The following CENPT variants were observed in gnomAD, a reference collection of about 807,000 sequenced individuals.
The protein encoded by CENPT is centromere protein T.
A neutral mutation model predicts 59.7 loss-of-function variants in CENPT; 42 were observed. That is an observed-to-expected ratio of 0.70 (90% CI 0.55 to 0.91). The LOEUF is 0.91. CENPT is among the 40% of genes least tolerant of loss of function. The probability of loss-of-function intolerance (pLI) is 0.00; values close to 1 mark genes in which losing one functional copy is unlikely to be tolerated. For missense variants in CENPT, 716 were observed against 713.4 expected, an observed-to-expected ratio of 1.00 and a Z score of -0.04; for synonymous variants, 295 against 289.6, an observed-to-expected ratio of 1.02 and a Z score of -0.19.
intron 13 of CENPT, 186 bp from the exon 14 acceptor site, chr16:67,829,029 G>C (rs2057647397): frequency 3.5e-6 from 2 of 579,462 alleles, no homozygotes; most frequent in Non-Finnish European, 5.9e-6. Context: ...GTCTTTCCCT[G>C]GGGCTCTGTC....
intron 4 of CENPT, 105 bp from the exon 5 acceptor site, chr16:67,832,650 G>C: frequency 1.0e-6 from 1 of 1,002,658 alleles, no homozygotes; most frequent in Admixed American, 2.4e-5. Context: ...TTTTCCCTCA[G>C]GGCTAGGGAC....
In CENPT at chr16:67,830,630, C is replaced by T. The variant is rs962766655; in HGVS notation, c.704-82G>A. ...TGGCTCTCAGCGTATTCCAGGCCCA[C>T]CGGCTGCTACTCAGCGTTGCCAGGG... On this transcript the variant is annotated intron_variant, in intron 10 of 15. Transcript: ENST00000562787. 5.6e-6 allele frequency: 8 copies of T among 1,437,772 alleles called. 1 individual carries two copies. The African/African-American group carries it at 1.1e-4, about 20-fold the overall frequency. The allele number at this position is 1,437,772 out of a possible 1,614,324, so 89.1% of individuals were successfully genotyped here.
Position 67,842,740 on chromosome 16 carries a change from C to T in CENPT, c.-492+4661G>A. 6.2e-7 allele frequency: 1 copy of T among 1,608,462 alleles called. No homozygotes were observed. Among genetic ancestry groups the T allele is most frequent in the South Asian group, 1.1e-5 (1 of 90,404 alleles). On this transcript the variant is annotated intron_variant, in intron 1 of 15. Transcript: ENST00000562787. This position sits in a 1 kb window ranked among gnomAD's most constrained non-coding sequence, Gnocchi z 4.9. The stretch of plus-strand genomic sequence containing the variant: ...CCACCACAGGCCACCGTCTCTGCAG[C>T]GTTCACTTCCAGGGCGGCCGCAAGA...
In CENPT at chr16:67,842,948, C is replaced by T. The variant is rs763237913; in HGVS notation, c.-492+4453G>A. On this transcript the variant is annotated intron_variant, in intron 1 of 15. Transcript: ENST00000562787. The surrounding 1 kb of genome is among the most constrained non-coding windows in gnomAD (Gnocchi z 4.9). ...GCAGCAGCAGCAGCAGCAGCAGCAG[C>T]AGTCCTCACCCTCTGCCTCCACTGC... 140 of 1,605,950 alleles carry T rather than the reference C, an allele frequency of 8.7e-5. No individual in the cohort carries two copies. The highest frequency in any genetic ancestry group is 1.1e-4 in the Non-Finnish European group (135 of 1,178,278).
chr16:67,844,208 C>T (rs1390351839), intron 1 of CENPT: 4 of 166,538 alleles, frequency 2.4e-5, no homozygotes, highest in East Asian at 1.9e-4. Flanking sequence ...TGGGTCTCGC[C>T]ATTTTATTTT....
At position 67,843,700 on chromosome 16, in the gene CENPT, A is replaced by T. The variant is rs2057780286; in HGVS notation, c.-492+3701T>A. ...TGGGGCCTTAGACTCTGCCCTGGTG[A>T]CACCAGCAATTATGACTTTGTCTAC... is the stretch of plus-strand genomic sequence containing the variant. On this transcript the variant is annotated intron_variant, in intron 1 of 15. Coordinates refer to ENST00000562787, the MANE Select transcript of CENPT (RefSeq NM_025082.4). This position sits in a 1 kb window ranked among gnomAD's most constrained non-coding sequence, Gnocchi z 5.7. 3.7e-6 allele frequency: 2 copies of T among 544,670 alleles called. No homozygotes were observed. Among genetic ancestry groups the T allele is most frequent in the Non-Finnish European group, 6.6e-6 (2 of 303,760 alleles). 33.7% of individuals were successfully genotyped at this position (544,670 alleles called of 1,614,324 possible). A position where few individuals can be genotyped will look rare whatever the true frequency, so the allele number is the denominator to read the frequency against.
At chr16:67,830,674 T>C in intron 10 of CENPT, 126 bp from the exon 11 acceptor site, 1 of 938,088 alleles carries the variant, frequency 1.1e-6, no homozygotes, top group Non-Finnish European at 1.6e-6. Flanking sequence ...GTGGGCTGCA[T>C]GGGTCCACCC....
At position 67,828,406 on chromosome 16, in the gene CENPT, A is replaced by T; in HGVS notation, c.1563-16T>A. 6.2e-7 allele frequency: 1 copy of T among 1,612,066 alleles called. No individual in the cohort carries two copies. The highest frequency in any genetic ancestry group is 8.5e-7 in the Non-Finnish European group (1 of 1,178,392). On this transcript the variant is annotated splice_polypyrimidine_tract_variant and intron_variant, in intron 15 of 15. Transcript: ENST00000562787. The stretch of plus-strand genomic sequence containing the variant: ...CAGGCCCTGCCTGCAGTGGAGGAAG[A>T]GAAGGGACAGGCAGAATCAGCACCA...
rs2057778166 is a variant in CENPT, at chr16:67,843,352, C to T, written c.-492+4049G>A. The T allele has an allele frequency of 1.2e-6, 2 of 1,613,940 alleles. No individual in the cohort carries two copies. Among genetic ancestry groups the T allele is most frequent in the East Asian group, 2.2e-5 (1 of 44,888 alleles). On this transcript the variant is annotated intron_variant, in intron 1 of 15. Coordinates refer to ENST00000562787, the MANE Select transcript of CENPT (RefSeq NM_025082.4). This position sits in a 1 kb window ranked among gnomAD's most constrained non-coding sequence, Gnocchi z 5.7. Reference sequence around the variant, plus strand: ...TGCGCAAGCTGAATGAGCAGCGGGACATCCTGGCTCTGATGGAAGTGAAGA... The same window carrying T: ...TGCGCAAGCTGAATGAGCAGCGGGATATCCTGGCTCTGATGGAAGTGAAGA...
At chr16:67,831,152 C>T (rs1446329648) in intron 10 of CENPT, 64 bp downstream of exon 10, 4 of 1,610,542 alleles carry the variant, frequency 2.5e-6, no homozygotes, top group Non-Finnish European at 1.7e-6. Flanking sequence ...CTCAGCATCA[C>T]CTCCTATCTG....
chr16:67,837,884 G>C (rs1384681778), intron 1 of CENPT, among the ~76,000 whole-genome samples: 1 of 152,206 alleles, frequency 6.6e-6, no homozygotes, highest in Admixed American at 6.5e-5. Flanking sequence ...CAAGCTCTGG[G>C]AAAGAATCTG....
chr16:67,843,160 A>AGCCGCTGCGGCCGCC lies in CENPT; in HGVS notation c.-492+4226_-492+4240dup. 6.2e-7 allele frequency: 1 copy of AGCCGCTGCGGCCGCC among 1,609,632 alleles called. No individual in the cohort carries two copies. Among genetic ancestry groups the AGCCGCTGCGGCCGCC allele is most frequent in the Non-Finnish European group, 8.5e-7 (1 of 1,179,444 alleles). Reference sequence around the variant, plus strand: ...TGGAGTTTGCAGCCGCAGAGGGCGCAGCCGCTGCGGCCGCCGCGTCGGAGT... The same window carrying AGCCGCTGCGGCCGCC: ...TGGAGTTTGCAGCCGCAGAGGGCGCAGCCGCTGCGGCCGCCGCCGCTGCGGCCGCCGCGTCGGAGT... On this transcript the variant is annotated intron_variant, in intron 1 of 15. Transcript: ENST00000562787. The surrounding 1 kb of genome is among the most constrained non-coding windows in gnomAD (Gnocchi z 5.7).
Position 67,832,559 on chromosome 16 carries a change from A to G in CENPT, c.111-14T>C. The G allele has an allele frequency of 6.2e-7, 1 of 1,608,612 alleles. No homozygotes were observed. The highest frequency in any genetic ancestry group is 8.5e-7 in the Non-Finnish European group (1 of 1,175,324). ...GCTCTCCGGGCTCTGTGTAAAGACC[A>G]GCAATTATGCCGAGAATTACGGTGA... On this transcript the variant is annotated splice_polypyrimidine_tract_variant and intron_variant, in intron 4 of 15. Coordinates refer to ENST00000562787, the MANE Select transcript of CENPT (RefSeq NM_025082.4).
In CENPT at chr16:67,847,522, C is replaced by A. The variant is rs1023454338; in HGVS notation, c.-613G>T. 3.9e-5 allele frequency: 6 copies of A among 152,380 alleles called. No individual in the cohort carries two copies. The highest frequency in any genetic ancestry group is 1.4e-4 in the African/African-American group (6 of 41,482). 9.4% of individuals were successfully genotyped at this position (152,380 alleles called of 1,614,324 possible). A position where few individuals can be genotyped will look rare whatever the true frequency, so the allele number is the denominator to read the frequency against. On this transcript the variant is annotated 5_prime_UTR_variant, in exon 1 of 16. Coordinates refer to ENST00000562787, the MANE Select transcript of CENPT (RefSeq NM_025082.4). ...CACCCTGTTCCCGACCATAGCCCGGCCGGGGTGTAGGTGAACGCCCCCTCC... is the reference window on the plus strand; with the variant it reads ...CACCCTGTTCCCGACCATAGCCCGGACGGGGTGTAGGTGAACGCCCCCTCC...
Position 67,828,195 on chromosome 16 carries a change from G to C in CENPT, c.*72C>G. 3 of 1,489,554 alleles carry C rather than the reference G, an allele frequency of 2.0e-6. No individual in the cohort carries two copies. The highest frequency in any genetic ancestry group is 1.8e-6 in the Non-Finnish European group (2 of 1,106,366). 92.3% of individuals were successfully genotyped at this position (1,489,554 alleles called of 1,614,324 possible). A position where few individuals can be genotyped will look rare whatever the true frequency, so the allele number is the denominator to read the frequency against. On this transcript the variant is annotated 3_prime_UTR_variant, in exon 16 of 16. Transcript: ENST00000562787. ...ACTTTATTGATGCTGGGGGGGTGGG[G>C]AGGAGACCTGGAGAAATATGTGGGG...
intron 5 of CENPT, 49 bp downstream of exon 5, chr16:67,832,406 C>A: frequency 6.2e-7 from 1 of 1,609,460 alleles, no homozygotes; most frequent in Non-Finnish European, 8.5e-7. Context: ...CTCAACCCCC[C>A]TCCCCGAGGC....
chr16:67,830,058 C>A lies in CENPT; in HGVS notation c.893G>T (p.Gly298Val), dbSNP rs1364259984. 1.9e-6 allele frequency: 3 copies of A among 1,614,212 alleles called. No individual in the cohort carries two copies. The highest frequency in any genetic ancestry group is 2.5e-6 in the Non-Finnish European group (3 of 1,180,030). ...AAAGGCATTGACCTCCTCTGCCTCT[C>A]CTGCCAGAAACTGGGCTGGTTTCCC... ...SPGKPAQFLA[G>V]EAEEVNAFAL... Residue 298 changes from glycine (G) to valine (V), a missense_variant, in exon 12 of 16, where the codon GGA becomes GTA. By Grantham distance (109) the Gly-to-Val change is moderately radical. Transcript: ENST00000562787.
At chr16:67,834,304 G>A (rs2057721361) in intron 3 of CENPT, 1 of 155,374 alleles carries the variant, frequency 6.4e-6, no homozygotes, top group Non-Finnish European at 1.4e-5. Context: ...TCCTACATAT[G>A]ACCTGGTTAG....
chr16:67,840,437 T>C (rs1416944734), intron 1 of CENPT, among the ~76,000 whole-genome samples: 1 of 152,228 alleles, frequency 6.6e-6, no homozygotes, highest in Non-Finnish European at 1.5e-5. Context: ...ATCATGTCTT[T>C]TGTGGGAATA....
Sources: gnomAD v4.1 joint callset for allele counts (sites outside exome capture counted in the v4.1 genomes callset) on GRCh38, gnomAD v4.1.1 for gene constraint, Gnocchi (gnomAD v3.1) non-coding constraint, MANE v1.5 for transcripts, NCBI Gene and HGNC (gene_info 2026-07-23, HGNC 2026-07-21) for gene names.